SLC25A23: variants seen among roughly 807,000 people sequenced by gnomAD.
SLC25A23 encodes the protein solute carrier family 25 member 23.
Under a neutral mutation model 53.9 loss-of-function variants are expected in SLC25A23, and 32 were observed. The observed-to-expected ratio is 0.59, with a 90% CI of 0.45 to 0.80. The LOEUF (loss-of-function observed/expected upper bound fraction) is 0.80. Among genes scored for constraint, SLC25A23 ranks in the 30% least tolerant of loss-of-function variants. The pLI, the probability that SLC25A23 is intolerant of heterozygous loss-of-function variation, is 0.00. For missense variants in SLC25A23, 575 were observed against 651.4 expected, an observed-to-expected ratio of 0.88 and a Z score of 1.28; for synonymous variants, 275 against 264.5, an observed-to-expected ratio of 1.04 and a Z score of -0.38.
At chr19:6,456,371 T>A in intron 4 of SLC25A23, 49 bp downstream of exon 4, 1 of 1,571,430 alleles carries the variant, frequency 6.4e-7, no homozygotes, top group Non-Finnish European at 8.8e-7. Context: ...AAGGCCCCCC[T>A]GGGGAAGAGG....
At chr19:6,448,138 T>C (rs1432450999) in intron 8 of SLC25A23, among the ~76,000 whole-genome samples, 1 of 152,206 alleles carries the variant, frequency 6.6e-6, no homozygotes, top group Non-Finnish European at 1.5e-5. Flanking sequence ...CCAAGGTGAC[T>C]GTAAGAACAA....
intron 9 of SLC25A23, 92 bp downstream of exon 9, chr19:6,444,059 C>T (rs1335671652): frequency 7.3e-7 from 1 of 1,370,142 alleles, no homozygotes; most frequent in African/African-American, 1.5e-5. Flanking sequence ...CCATCGAAAT[C>T]CAGGAGGGTC....
chr19:6,439,395 T>TCACACACA (rs1177276755), downstream of SLC25A23, among the ~76,000 whole-genome samples: 264 of 129,544 alleles, frequency 2.0e-3, no homozygotes, highest in African/African-American at 7.7e-3. Context: ...TCTCTCTCTC[T>TCACACACA]CTCTCACACA....
chr19:6,437,037 C>T (rs962451855), downstream of SLC25A23, among the ~76,000 whole-genome samples: 1 of 151,584 alleles, frequency 6.6e-6, no homozygotes, highest in Non-Finnish European at 1.5e-5. Flanking sequence ...TTAGTAGAGA[C>T]GGGGTTTCAC....
Position 6,457,537 on chromosome 19 carries a change from T to C in SLC25A23, c.337A>G (p.Ile113Val). 2 of 1,613,922 alleles carry C rather than the reference T, an allele frequency of 1.2e-6. No individual in the cohort carries two copies. The highest frequency in any genetic ancestry group is 1.7e-6 in the Non-Finnish European group (2 of 1,179,996). The change falls in exon 3 of 10, where the codon ATC becomes GTC. Residue 113 changes from isoleucine (I) to valine (V), a missense_variant. Coordinates refer to ENST00000301454, the MANE Select transcript of SLC25A23 (RefSeq NM_024103.3). ...QQSFRALGIS[I>V]SLEQAEKILH... ...ATTTTCTCAGCCTGCTCCAGCGAGA[T>C]GGAAATGCCCAGAGCTCGGAAACTC...
intron 9 of SLC25A23, among the ~76,000 whole-genome samples, chr19:6,442,622 C>T (rs530301897): frequency 3.3e-5 from 5 of 151,530 alleles, no homozygotes; most frequent in South Asian, 2.1e-4. Context: ...AATCTCGGCT[C>T]ACTGCAACCT....
downstream of SLC25A23, chr19:6,438,628 C>T (rs1387136899): frequency 6.4e-6 from 1 of 156,658 alleles, no homozygotes; most frequent in Non-Finnish European, 1.4e-5. Flanking sequence ...GTAGGCAAAT[C>T]ACCTGAGGTC....
Position 6,459,738 on chromosome 19 carries a change from G to GCTCCGCAGC in SLC25A23, c.-119_-111dup. 2.1e-6 allele frequency: 2 copies of GCTCCGCAGC among 945,514 alleles called. No homozygotes were observed. The highest frequency in any genetic ancestry group is 2.7e-6 in the Non-Finnish European group (2 of 737,804). The allele number at this position is 945,514 out of a possible 1,614,324, so 58.6% of individuals were successfully genotyped here. On this transcript the variant is annotated 5_prime_UTR_variant, in exon 1 of 10. Transcript: ENST00000301454. This position sits in a 1 kb window ranked among gnomAD's most constrained non-coding sequence, Gnocchi z 4.6. ...GCAGGGTCAGCTCCCGCGGCCGCCG[G>GCTCCGCAGC]CTCCGCAGCCTCCGCGCAGTCCGCT...
chr19:6,456,001 G>T, intron 4 of SLC25A23: 7 of 1,294,536 alleles, frequency 5.4e-6, no homozygotes, highest in Non-Finnish European at 7.1e-6. Flanking sequence ...TTTTAGGTGT[G>T]AGCCACTGCG....
intron 7 of SLC25A23, 98 bp downstream of exon 7, chr19:6,453,883 G>T: frequency 1.0e-6 from 1 of 987,200 alleles, no homozygotes; most frequent in Non-Finnish European, 1.5e-6. Context: ...GAGGGACAAA[G>T]GTAAAATCCC....
chr19:6,458,766 G>A (rs2092718317), intron 1 of SLC25A23, among the ~76,000 whole-genome samples: 1 of 152,186 alleles, frequency 6.6e-6, no homozygotes, highest in Admixed American at 6.5e-5. Flanking sequence ...GAAGCCCTGG[G>A]CGATGTGGGG....
rs1300704718 is a variant in SLC25A23 at position 6,454,829 on chromosome 19, A to C, written c.484-112T>G. The C allele has an allele frequency of 6.1e-6, 8 of 1,311,982 alleles. No homozygotes were observed. The highest frequency in any genetic ancestry group is 7.3e-6 in the Non-Finnish European group (7 of 955,442). The allele number at this position is 1,311,982 out of a possible 1,614,324, so 81.3% of individuals were successfully genotyped here. On this transcript the variant is annotated intron_variant, in intron 4 of 9. Coordinates refer to ENST00000301454, the MANE Select transcript of SLC25A23 (RefSeq NM_024103.3). The surrounding 1 kb of genome is among the most constrained non-coding windows in gnomAD (Gnocchi z 4.3). ...ATCCTAGGATACCCTAGAGTCTGCC[A>C]ATGACTCTTGCTTGGAGACCCCAGA...
chr19:6,436,880 G>T (rs2092330320), downstream of SLC25A23, among the ~76,000 whole-genome samples: 1 of 149,442 alleles, frequency 6.7e-6, no homozygotes, highest in Admixed American at 6.7e-5. Context: ...ATGGAGTCTT[G>T]CTCTGTTACC....
Position 6,454,302 on chromosome 19 carries a change from C to A in SLC25A23, c.795+21G>T, listed in dbSNP as rs1459732066. 3.1e-6 allele frequency: 5 copies of A among 1,605,704 alleles called. No individual in the cohort carries two copies. Among genetic ancestry groups the A allele is most frequent in the Non-Finnish European group, 4.3e-6 (5 of 1,174,896 alleles). The stretch of plus-strand genomic sequence containing the variant: ...CAGTCTTCCCTATGGCAAGCACATT[C>A]CTCCCTGTACCTGCCCTCACCTGTT... On this transcript the variant is annotated intron_variant, in intron 6 of 9. Coordinates refer to ENST00000301454, the MANE Select transcript of SLC25A23 (RefSeq NM_024103.3). This position sits in a 1 kb window ranked among gnomAD's most constrained non-coding sequence, Gnocchi z 4.3.
chr19:6,457,461 G>A (rs766447910), intron 3 of SLC25A23, 42 bp downstream of exon 3: 5 of 1,552,426 alleles, frequency 3.2e-6, no homozygotes, highest in Non-Finnish European at 4.4e-6. Flanking sequence ...AGGGGTCACT[G>A]TGTCCTGAGT....
chr19:6,457,463 G>T, intron 3 of SLC25A23, 40 bp downstream of exon 3: 3 of 1,566,712 alleles, frequency 1.9e-6, no homozygotes, highest in Non-Finnish European at 2.6e-6. Context: ...GGGTCACTGT[G>T]TCCTGAGTTA....
Position 6,454,511 on chromosome 19 carries a change from C to T in SLC25A23, c.643-36G>A, listed in dbSNP as rs764263928. The T allele has an allele frequency of 6.8e-6, 11 of 1,613,446 alleles. 1 individual carries two copies. In the South Asian group the frequency reaches 9.9e-5, roughly 14 times the overall value. On this transcript the variant is annotated intron_variant, in intron 5 of 9. Coordinates refer to ENST00000301454, the MANE Select transcript of SLC25A23 (RefSeq NM_024103.3). The surrounding 1 kb of genome is among the most constrained non-coding windows in gnomAD (Gnocchi z 4.3). Reference sequence around the variant, plus strand: ...AGACAACAGCTTGGAGGTCCCCTCCCAGGTGTCAGGCCTGGGGGAGGGGGC... The same window carrying T: ...AGACAACAGCTTGGAGGTCCCCTCCTAGGTGTCAGGCCTGGGGGAGGGGGC...
chr19:6,456,007 CTG>C (rs1196302144), intron 4 of SLC25A23: 4 of 1,296,302 alleles, frequency 3.1e-6, no homozygotes, highest in Non-Finnish European at 4.0e-6. Context: ...GTGTGAGCCA[CTG>C]CGCCTGGCCA....
At chr19:6,436,123 C>T (rs1369006210), downstream of SLC25A23, 7 of 213,466 alleles carry the variant, frequency 3.3e-5, no homozygotes, top group South Asian at 4.5e-4. Context: ...TGCCATGTGA[C>T]GAATTACCCC....
Sources: allele counts gnomAD v4.1 joint callset (sites outside exome capture counted in the v4.1 genomes callset), GRCh38; gene constraint gnomAD v4.1.1; non-coding constraint Gnocchi (gnomAD v3.1); transcripts MANE v1.5; gene names NCBI Gene and HGNC (gene_info 2026-07-23, HGNC 2026-07-21).